Variants in KSR2 observed in about 807,000 individuals in gnomAD.
KSR2 encodes the protein kinase suppressor of ras 2.
KSR2 carries 25 observed loss-of-function variants against 107.8 expected under a neutral mutation model. That is an observed-to-expected ratio of 0.23 (90% CI 0.17 to 0.32). The LOEUF (loss-of-function observed/expected upper bound fraction) is 0.32. Among genes scored for constraint, KSR2 ranks in the 10% least tolerant of loss-of-function variants. KSR2 has a pLI of 1.00. For missense variants in KSR2, 887 were observed against 1,268.9 expected (o/e 0.70, Z 4.57); for synonymous variants, 480 against 507.0 (o/e 0.95, Z 0.71).
chr12:117,841,205 C>T (rs1178089511), intron 3 of KSR2, among the ~76,000 whole-genome samples: 2 of 152,146 alleles, frequency 1.3e-5, no homozygotes, highest in Non-Finnish European at 2.9e-5. Flanking sequence ...CTCCCCTCAG[C>T]ATATTTTAAA....
At chr12:117,900,727 T>G (rs1894655108) in intron 1 of KSR2, among the ~76,000 whole-genome samples, 1 of 152,210 alleles carries the variant, frequency 6.6e-6, no homozygotes, top group Non-Finnish European at 1.5e-5. Flanking sequence ...TATTTAAGAA[T>G]GCACCCAACA....
At chr12:117,889,834 G>T (rs1894287175) in intron 1 of KSR2, 1 of 152,132 alleles carries the variant, frequency 6.6e-6, no homozygotes, top group African/African-American at 2.4e-5. Context: ...AAAATCTAGT[G>T]GGTAGAGACC....
intron 1 of KSR2, among the ~76,000 whole-genome samples, chr12:117,940,015 TC>T (rs1210794294): frequency 6.6e-6 from 1 of 151,820 alleles, no homozygotes; most frequent in Non-Finnish European, 1.5e-5. Context: ...ATGGTGAGGT[TC>T]TTGATCAGAT....
At chr12:117,729,490 G>C (rs949024088) in intron 4 of KSR2, among the ~76,000 whole-genome samples, 12 of 152,104 alleles carry the variant, frequency 7.9e-5, no homozygotes, top group African/African-American at 2.9e-4. Context: ...TACTCTGCCT[G>C]GCAGGATGAG....
intron 4 of KSR2, among the ~76,000 whole-genome samples, chr12:117,718,919 A>G (rs1387784565): frequency 6.6e-6 from 1 of 152,174 alleles, no homozygotes; most frequent in Non-Finnish European, 1.5e-5. Context: ...TAGAGTCACT[A>G]TCTCTCTAAA....
rs551643411 is a variant in KSR2 at position 117,756,747 on chromosome 12, G to A, written c.986+4264C>T. Among the ~76,000 whole-genome samples, 189 of 152,272 alleles carry A rather than the reference G, an allele frequency of 1.2e-3. 1 individual carries two copies. Among genetic ancestry groups the A allele is most frequent in the South Asian group, 7.7e-3 (37 of 4,826 alleles). On this transcript the variant is annotated intron_variant, in intron 4 of 19. Coordinates refer to ENST00000339824, the MANE Select transcript of KSR2 (RefSeq NM_173598.6). ...ATAGTGATTCCTCTGATGGATCTGG[G>A]AAAAGTAAAATAAAAACCTGCTGGA...
At chr12:117,585,920 G>C (rs1879960329) in intron 5 of KSR2, among the ~76,000 whole-genome samples, 1 of 152,230 alleles carries the variant, frequency 6.6e-6, no homozygotes, top group Non-Finnish European at 1.5e-5. Flanking sequence ...CATAGAAAGA[G>C]AAAGAGGTGG....
rs77762145 is a variant in KSR2 at position 117,856,431 on chromosome 12, T to C, written c.322-853A>G. On this transcript the variant is annotated intron_variant, in intron 2 of 19. Coordinates refer to ENST00000339824, the MANE Select transcript of KSR2 (RefSeq NM_173598.6). ...GCACTTACTACTCAACATTTTAACA[T>C]ATATTGTTATTACTTAAGGGTTTTT... Among the ~76,000 whole-genome samples, 1,185 of 152,294 alleles carry C rather than the reference T, an allele frequency of 7.8e-3. 53 individuals carry two copies. The East Asian group carries it at 0.12, about 15-fold the overall frequency.
chr12:117,918,788 CAAAA>C (rs1423434186), intron 1 of KSR2, among the ~76,000 whole-genome samples: 1 of 106,524 alleles, frequency 9.4e-6, no homozygotes, highest in Non-Finnish European at 2.0e-5. Context: ...AACTCCGTCT[CAAAA>C]AAAAAAAAAA....
chr12:117,891,792 G>C (rs1894350675), intron 1 of KSR2, among the ~76,000 whole-genome samples: 1 of 152,022 alleles, frequency 6.6e-6, no homozygotes, highest in Non-Finnish European at 1.5e-5. Flanking sequence ...TTCAAGACCA[G>C]TCTGGGCAAC....
At chr12:117,836,999 T>G (rs1234773713) in intron 3 of KSR2, among the ~76,000 whole-genome samples, 1 of 152,240 alleles carries the variant, frequency 6.6e-6, no homozygotes, top group Non-Finnish European at 1.5e-5. Context: ...GTTCCTTCTT[T>G]ACAGTTCATT....
chr12:117,476,295 C>T (rs759139922), intron 17 of KSR2, among the ~76,000 whole-genome samples, 169 bp downstream of exon 17: 4 of 152,224 alleles, frequency 2.6e-5, no homozygotes, highest in Non-Finnish European at 5.9e-5. Flanking sequence ...TTGTTAGGGT[C>T]ATTCTTTCTA....
intron 5 of KSR2, among the ~76,000 whole-genome samples, chr12:117,586,872 G>T (rs1880032803): frequency 6.6e-6 from 1 of 152,092 alleles, no homozygotes; most frequent in African/African-American, 2.4e-5. Flanking sequence ...GCCAGAACAG[G>T]GATTTTTAAT....
intron 1 of KSR2, among the ~76,000 whole-genome samples, chr12:117,956,370 C>G (rs1471560171): frequency 1.3e-5 from 2 of 151,164 alleles, no homozygotes; most frequent in Non-Finnish European, 2.9e-5. Context: ...GAGTTGGAGA[C>G]CAGCCTGGGC....
intron 5 of KSR2, among the ~76,000 whole-genome samples, chr12:117,605,159 T>C (rs940142283): frequency 8.5e-5 from 13 of 152,104 alleles, no homozygotes; most frequent in African/African-American, 3.1e-4. Context: ...AATGGGGTGT[T>C]CTAAGGTTCT....
intron 4 of KSR2, among the ~76,000 whole-genome samples, chr12:117,684,504 T>A (rs192054070): frequency 6.6e-6 from 1 of 152,286 alleles, no homozygotes; most frequent in South Asian, 2.1e-4. Context: ...GATCCAATTT[T>A]CCTCGATGCC....
At chr12:117,744,351 G>C (rs949851917) in intron 4 of KSR2, among the ~76,000 whole-genome samples, 3 of 152,164 alleles carry the variant, frequency 2.0e-5, no homozygotes, top group African/African-American at 7.2e-5. Context: ...TGAACATAAA[G>C]TGATAATCTT....
Position 117,463,904 on chromosome 12 carries a change from G to A in KSR2, c.*3295C>T, listed in dbSNP as rs1199063016. ...GTTCCCTGGATACAAAAGTCTAGTG[G>A]TCAATATCAGTCAAGGGCTTCTATT... On this transcript the variant is annotated 3_prime_UTR_variant, in exon 20 of 20. Coordinates refer to ENST00000339824, the MANE Select transcript of KSR2 (RefSeq NM_173598.6). 1 of 152,212 alleles carries A rather than the reference G, an allele frequency of 6.6e-6. No homozygotes were observed. The highest frequency in any genetic ancestry group is 1.5e-5 in the Non-Finnish European group (1 of 68,058). 9.4% of individuals were successfully genotyped at this position (152,212 alleles called of 1,614,324 possible).
At chr12:117,941,356 T>C (rs1895999133) in intron 1 of KSR2, among the ~76,000 whole-genome samples, 1 of 150,118 alleles carries the variant, frequency 6.7e-6, no homozygotes, top group Non-Finnish European at 1.5e-5. Context: ...TCACACCTCT[T>C]TCTGATGCCA....
Sources: allele counts gnomAD v4.1 joint callset (sites outside exome capture counted in the v4.1 genomes callset), GRCh38; gene constraint gnomAD v4.1.1; transcripts MANE v1.5; gene names NCBI Gene and HGNC (gene_info 2026-07-23, HGNC 2026-07-21).